Variants in CFAP44 observed in about 807,000 individuals in gnomAD.
CFAP44 encodes the protein cilia and flagella associated protein 44.
In CFAP44, 134 loss-of-function variants were observed where a neutral mutation model predicts 216.2. The observed-to-expected ratio is 0.62, with a 90% CI of 0.54 to 0.72. The LOEUF is 0.72. Among genes scored for constraint, CFAP44 ranks in the 30% least tolerant of loss-of-function variants. CFAP44 has a pLI of 0.00. For synonymous variants in CFAP44, 700 were observed against 727.6 expected, an observed-to-expected ratio of 0.96 and a Z score of 0.61; for missense variants, 2,035 against 2,182.1, an observed-to-expected ratio of 0.93 and a Z score of 1.34.
intron 4 of CFAP44, among the ~76,000 whole-genome samples, chr3:113,421,866 A>T (rs1053409648): frequency 6.6e-6 from 1 of 152,116 alleles, no homozygotes; most frequent in Non-Finnish European, 1.5e-5. Flanking sequence ...GCACGGCTGA[A>T]AAACTTCCTA....
rs569247596 is a variant in CFAP44, at chr3:113,391,399, A to G, written c.1890+4351T>C. On this transcript the variant is annotated intron_variant, in intron 15 of 34. Coordinates refer to ENST00000393845, the MANE Select transcript of CFAP44 (RefSeq NM_001164496.2). ...AAAACTATGAAACAATTAAAAGAAA[A>G]CATTGGGGAAACTCTCCAGGACATT... Among the ~76,000 whole-genome samples the G allele has an allele frequency of 6.8e-4, 104 of 152,254 alleles. 1 individual carries two copies. The highest frequency in any genetic ancestry group is 3.4e-3 in the Middle Eastern group (1 of 294).
At chr3:113,325,816 A>T (rs1380692672) in intron 28 of CFAP44, among the ~76,000 whole-genome samples, 1 of 152,220 alleles carries the variant, frequency 6.6e-6, no homozygotes, top group Non-Finnish European at 1.5e-5. Context: ...AGGGCTCAAT[A>T]TGTAGCTACA....
intron 21 of CFAP44, 92 bp downstream of exon 21, chr3:113,363,053 G>T: frequency 7.1e-7 from 1 of 1,402,290 alleles, no homozygotes; most frequent in Non-Finnish European, 9.3e-7. Flanking sequence ...AAAGAAAGAT[G>T]ATTTTAAGTG....
At position 113,329,928 on chromosome 3, in the gene CFAP44, T is replaced by G. The variant is rs140452068; in HGVS notation, c.4116+240A>C. Among the ~76,000 whole-genome samples, 290 of 152,228 alleles carry G rather than the reference T, an allele frequency of 1.9e-3. 2 individuals carry two copies. Among genetic ancestry groups the G allele is most frequent in the African/African-American group, 5.7e-3 (237 of 41,538 alleles). On this transcript the variant is annotated intron_variant, in intron 26 of 34. Transcript: ENST00000393845. ...GAAACATGGGCTTCCCCTTCATTCT[T>G]TGTCAGCTTTCCAAAACAAAAAAAA...
rs1177541435 is a variant in CFAP44, at chr3:113,399,926, G to A, written c.1549C>T (p.Leu517Phe). ...CTTACCATTCGGGGTACCCAAACAA[G>A]GGCAGTACCTCCTTGTTTGAATTTC... ...QMKFKQGGTA[L>F]VWVPRMVNFT... is the part of the protein sequence containing the mutation. Residue 517 changes from leucine to phenylalanine, a missense_variant, in exon 13 of 35, where the codon CTT (leucine) becomes TTT (phenylalanine). Physicochemically the swap from Leu to Phe is conservative, Grantham distance 22. Coordinates refer to ENST00000393845, the MANE Select transcript of CFAP44 (RefSeq NM_001164496.2). 1.3e-6 allele frequency: 2 copies of A among 1,596,512 alleles called. No individual in the cohort carries two copies. The highest frequency in any genetic ancestry group is 1.7e-6 in the Non-Finnish European group (2 of 1,173,168).
intron 26 of CFAP44, among the ~76,000 whole-genome samples, chr3:113,329,783 G>A (rs1271251333): frequency 6.6e-6 from 1 of 152,124 alleles, no homozygotes; most frequent in African/African-American, 2.4e-5. Context: ...AGCAGAGGGT[G>A]CCCTGTTTCT....
rs942815930 is a variant in CFAP44, at chr3:113,427,052, A to G, written c.253+135T>C. ...GCTAAAGTACCCTACCAAAATATGTACTTGTCCTTTTATCATTCCCACACA... is the reference window on the plus strand; with the variant it reads ...GCTAAAGTACCCTACCAAAATATGTGCTTGTCCTTTTATCATTCCCACACA... On this transcript the variant is annotated intron_variant, in intron 3 of 34. Transcript: ENST00000393845. 4.1e-6 allele frequency: 4 copies of G among 965,380 alleles called. No homozygotes were observed. In the African/African-American group the frequency reaches 5.0e-5, roughly 12 times the overall value. 59.8% of individuals were successfully genotyped at this position (965,380 alleles called of 1,614,324 possible). A position where few individuals can be genotyped will look rare whatever the true frequency, so the allele number is the denominator to read the frequency against.
intron 32 of CFAP44, among the ~76,000 whole-genome samples, chr3:113,297,144 C>T (rs979562120): frequency 1.3e-5 from 2 of 152,068 alleles, no homozygotes; most frequent in African/African-American, 4.8e-5. Flanking sequence ...TCTGCCCCTC[C>T]TCAGACTGTT....
intron 9 of CFAP44, among the ~76,000 whole-genome samples, chr3:113,402,467 C>A (rs934122731): frequency 7.2e-5 from 11 of 152,250 alleles, no homozygotes; most frequent in Non-Finnish European, 1.5e-4. Context: ...GCAGGACCTC[C>A]CCTGTGAGGG....
chr3:113,399,662 T>A (rs1934088907), intron 13 of CFAP44, among the ~76,000 whole-genome samples: 1 of 152,208 alleles, frequency 6.6e-6, no homozygotes, highest in African/African-American at 2.4e-5. Flanking sequence ...GTTGGGAAAT[T>A]GCTTTGCAAC....
intron 22 of CFAP44, among the ~76,000 whole-genome samples, chr3:113,350,376 G>C (rs1361708484): frequency 6.6e-6 from 1 of 151,466 alleles, no homozygotes; most frequent in Non-Finnish European, 1.5e-5. Context: ...GAGAGAGACA[G>C]AAAGTCAAAG....
chr3:113,334,847 T>C (rs1035350664), intron 24 of CFAP44, among the ~76,000 whole-genome samples: 11 of 152,216 alleles, frequency 7.2e-5, no homozygotes, highest in African/African-American at 2.4e-4. Context: ...TTGGTACTAA[T>C]AAAAGGCCCT....
At chr3:113,376,565 G>T (rs1219903577) in intron 17 of CFAP44, among the ~76,000 whole-genome samples, 1 of 152,294 alleles carries the variant, frequency 6.6e-6, no homozygotes, top group East Asian at 1.9e-4. Context: ...TGTCTTAGAA[G>T]CCAAGAGAAG....
intron 1 of CFAP44, 87 bp from the exon 2 acceptor site, chr3:113,433,756 A>C: frequency 8.8e-6 from 9 of 1,021,092 alleles, no homozygotes; most frequent in Non-Finnish European, 1.2e-5. Flanking sequence ...CATTAGCACC[A>C]AACACCATGT....
At chr3:113,360,012 A>C (rs1950522942) in intron 21 of CFAP44, among the ~76,000 whole-genome samples, 1 of 151,882 alleles carries the variant, frequency 6.6e-6, no homozygotes, top group South Asian at 2.1e-4. Context: ...TACCCATTGT[A>C]TTTTGGCTAA....
intron 22 of CFAP44, among the ~76,000 whole-genome samples, chr3:113,353,567 G>C (rs1950465851): frequency 6.6e-6 from 1 of 152,036 alleles, no homozygotes; most frequent in Non-Finnish European, 1.5e-5. Flanking sequence ...TTCTTCCTGA[G>C]AGGAACTTCT....
intron 6 of CFAP44, among the ~76,000 whole-genome samples, chr3:113,413,861 G>A (rs951416317): frequency 4.6e-5 from 7 of 152,066 alleles, no homozygotes; most frequent in African/African-American, 1.2e-4. Context: ...TTGATTCCAC[G>A]TGAAACTTAA....
chr3:113,340,110 T>C (rs1226349909), intron 24 of CFAP44, among the ~76,000 whole-genome samples: 1 of 152,164 alleles, frequency 6.6e-6, no homozygotes, highest in East Asian at 1.9e-4. Flanking sequence ...GACCCTTGCC[T>C]GCTGCGGGCA....
intron 8 of CFAP44, among the ~76,000 whole-genome samples, chr3:113,405,011 A>G (rs1408721489): frequency 5.3e-5 from 8 of 152,228 alleles, no homozygotes; most frequent in Admixed American, 5.2e-4. Context: ...GAATTTTTAG[A>G]TACAAAGGAA....
Sources: gnomAD v4.1 joint callset for allele counts (sites outside exome capture counted in the v4.1 genomes callset) on GRCh38, gnomAD v4.1.1 for gene constraint, MANE v1.5 for transcripts, NCBI Gene and HGNC (gene_info 2026-07-23, HGNC 2026-07-21) for gene names.